Variants in INTS9 observed in about 807,000 individuals in gnomAD.
INTS9 encodes the protein protein related to CPSF subunits of 74 kDa.
A neutral mutation model predicts 79.7 loss-of-function variants in INTS9; 55 were observed. That is an observed-to-expected ratio of 0.69 (90% CI 0.56 to 0.86). INTS9 has a LOEUF of 0.86. Among genes scored for constraint, INTS9 ranks in the 40% least tolerant of loss-of-function variants. INTS9 has a pLI of 0.00. For missense variants in INTS9, 721 were observed against 831.5 expected, an observed-to-expected ratio of 0.87 and a Z score of 1.64; for synonymous variants, 319 against 325.2, an observed-to-expected ratio of 0.98 and a Z score of 0.20.
At chr8:28,854,284 A>G (rs549888029) in intron 2 of INTS9, among the ~76,000 whole-genome samples, 1 of 152,348 alleles carries the variant, frequency 6.6e-6, no homozygotes, top group East Asian at 1.9e-4. Context: ...ACTCAGTGCA[A>G]ACTGTTGGAA....
At chr8:28,884,557 TAA>T (rs1810085181) in intron 1 of INTS9, among the ~76,000 whole-genome samples, 1 of 152,196 alleles carries the variant, frequency 6.6e-6, no homozygotes, top group Non-Finnish European at 1.5e-5. Flanking sequence ...CTGAAATGCC[TAA>T]GAGTAAAATA....
chr8:28,823,975 G>T (rs184984797), intron 6 of INTS9, among the ~76,000 whole-genome samples: 76 of 152,234 alleles, frequency 5.0e-4, no homozygotes, highest in African/African-American at 1.7e-3. Context: ...TACATAAACA[G>T]ATACATGAAG....
intron 16 of INTS9, 65 bp downstream of exon 16, chr8:28,769,824 C>A: frequency 6.3e-7 from 1 of 1,588,392 alleles, no homozygotes; most frequent in Non-Finnish European, 8.6e-7. Flanking sequence ...AGCCAGGGGG[C>A]CATAGTGAGC....
At chr8:28,835,480 T>G (rs1305667458) in intron 5 of INTS9, 102 bp from the exon 6 acceptor site, 28 of 689,416 alleles carry the variant, frequency 4.1e-5, no homozygotes, top group Admixed American at 7.2e-5. Context: ...CACCTCCCCC[T>G]ACACCATTTC....
intron 8 of INTS9, among the ~76,000 whole-genome samples, chr8:28,797,387 C>T (rs1230098134): frequency 6.6e-6 from 1 of 152,150 alleles, no homozygotes; most frequent in Non-Finnish European, 1.5e-5. Flanking sequence ...ACTCCCAATT[C>T]CATGACCAGC....
chr8:28,870,597 A>C (rs998767538), intron 1 of INTS9, among the ~76,000 whole-genome samples: 4 of 152,170 alleles, frequency 2.6e-5, no homozygotes, highest in African/African-American at 9.6e-5. Flanking sequence ...AGCATGTTAG[A>C]AATATGCTTT....
intron 2 of INTS9, among the ~76,000 whole-genome samples, chr8:28,853,052 G>A (rs761396740): frequency 3.2e-4 from 49 of 152,030 alleles, no homozygotes; most frequent in Non-Finnish European, 6.6e-4. Context: ...TTATTTTTTT[G>A]TTTTTAATGA....
Position 28,768,266 on chromosome 8 carries a change from G to C in INTS9, c.1857C>G (p.Leu619=). The C allele has an allele frequency of 1.9e-6, 3 of 1,614,022 alleles. No homozygotes were observed. The highest frequency in any genetic ancestry group is 2.5e-6 in the Non-Finnish European group (3 of 1,180,008). ...TCTGGATGAGCGTCTCAGCCTCCTG[G>C]AGCAGGACGATATGGCCCTTGGCTG... The part of the protein sequence containing the change: ...EDTAKGHIVL[L]QEAETLIQIE... Residue 619 remains leucine, a synonymous_variant, in exon 17 of 17, where the codon CTC becomes CTG. Coordinates refer to ENST00000521022, the MANE Select transcript of INTS9 (RefSeq NM_018250.4).
At chr8:28,845,073 C>T (rs1585460773) in intron 4 of INTS9, among the ~76,000 whole-genome samples, 5 of 152,332 alleles carry the variant, frequency 3.3e-5, no homozygotes, top group East Asian at 3.9e-4. Flanking sequence ...TATTTACTTA[C>T]ATATGTTCAC....
intron 1 of INTS9, among the ~76,000 whole-genome samples, chr8:28,864,060 T>C (rs1171065050): frequency 6.6e-6 from 1 of 152,192 alleles, no homozygotes; most frequent in African/African-American, 2.4e-5. Flanking sequence ...GCTTTTATTA[T>C]GGGCAGGCAT....
At chr8:28,828,762 G>A (rs1272700603) in intron 6 of INTS9, among the ~76,000 whole-genome samples, 3 of 151,720 alleles carry the variant, frequency 2.0e-5, no homozygotes, top group Non-Finnish European at 2.9e-5. Flanking sequence ...GCAATGGCAC[G>A]ATCTCGGCTC....
chr8:28,830,350 C>T (rs1359498230), intron 6 of INTS9, among the ~76,000 whole-genome samples: 1 of 152,090 alleles, frequency 6.6e-6, no homozygotes, highest in Non-Finnish European at 1.5e-5. Flanking sequence ...AATAGCTCTT[C>T]AGGCCAGGCA....
intron 8 of INTS9, among the ~76,000 whole-genome samples, chr8:28,803,124 TAAAG>T (rs1804617023): frequency 6.6e-6 from 1 of 151,774 alleles, no homozygotes; most frequent in African/African-American, 2.4e-5. Context: ...AATAAATAAA[TAAAG>T]TAAGTAAATA....
At chr8:28,863,048 C>G (rs915681452) in intron 1 of INTS9, among the ~76,000 whole-genome samples, 3 of 152,140 alleles carry the variant, frequency 2.0e-5, no homozygotes, top group South Asian at 4.1e-4. Context: ...AGTAAGTGCT[C>G]TTAGTTACTA....
At chr8:28,881,527 G>T (rs1809809964) in intron 1 of INTS9, among the ~76,000 whole-genome samples, 1 of 38,324 alleles carries the variant, frequency 2.6e-5, no homozygotes, top group Admixed American at 2.2e-4. Flanking sequence ...GGAGGGAGGT[G>T]GGGGGGGTCA....
chr8:28,797,789 A>C (rs1039322768), intron 8 of INTS9, among the ~76,000 whole-genome samples: 1 of 152,216 alleles, frequency 6.6e-6, no homozygotes, highest in African/African-American at 2.4e-5. Flanking sequence ...CGTCAGAAGA[A>C]AAAAGCCAGC....
At chr8:28,853,413 C>CAAAAA (rs570960293) in intron 2 of INTS9, among the ~76,000 whole-genome samples, 8 of 87,402 alleles carry the variant, frequency 9.2e-5, no homozygotes, top group African/African-American at 3.1e-4. Context: ...AACTCCATCT[C>CAAAAA]AAAAAAAAAA....
chr8:28,771,022 GAGACAGTTGCCA>G lies in INTS9; in HGVS notation c.1610_1621del (p.Leu537_Val540del). 1 of 1,613,576 alleles carries G rather than the reference GAGACAGTTGCCA, an allele frequency of 6.2e-7. No homozygotes were observed. The highest frequency in any genetic ancestry group is 8.5e-7 in the Non-Finnish European group (1 of 1,179,824). On this transcript the variant is annotated inframe_deletion, in exon 15 of 17. Coordinates refer to ENST00000521022, the MANE Select transcript of INTS9 (RefSeq NM_018250.4). ...GTTATCTTTGGTGTGCAGCACGGCC[GAGACAGTTGCCA>G]AGGAGATGCCAGGCTTGATCTCCAT...
chr8:28,810,344 C>A, intron 8 of INTS9: 1 of 57,634 alleles, frequency 1.7e-5, no homozygotes. Context: ...TAGGAGAATG[C>A]TGGCTACTAG....
Sources: allele counts gnomAD v4.1 joint callset (sites outside exome capture counted in the v4.1 genomes callset), GRCh38; gene constraint gnomAD v4.1.1; transcripts MANE v1.5; gene names NCBI Gene and HGNC (gene_info 2026-07-23, HGNC 2026-07-21).